Variants in VGLL4 observed in about 807,000 individuals in gnomAD.
VGLL4 encodes vestigial like family member 4.
VGLL4 carries 7 observed loss-of-function variants against 21.0 expected under a neutral mutation model. The ratio of observed to expected loss-of-function variants is 0.33; its 90% CI spans 0.19 to 0.63. The LOEUF (loss-of-function observed/expected upper bound fraction) is 0.63. VGLL4 is among the 20% of genes least tolerant of loss of function. The probability of loss-of-function intolerance (pLI) is 0.78; values close to 1 mark genes in which losing one functional copy is unlikely to be tolerated. For missense variants in VGLL4, 394 were observed against 425.7 expected (o/e 0.93, Z 0.66); for synonymous variants, 222 against 173.2 (o/e 1.28, Z -2.21).
At chr3:11,603,728 G>A (rs2074861970) in intron 1 of VGLL4, among the ~76,000 whole-genome samples, 1 of 152,120 alleles carries the variant, frequency 6.6e-6, no homozygotes, top group Admixed American at 6.5e-5. Flanking sequence ...GGATGCGAGG[G>A]GATGAGGAGT....
In VGLL4 at chr3:11,719,099, G is replaced by A. The variant is rs1012754232; in HGVS notation, c.-14+1295C>T. Among the ~76,000 whole-genome samples the A allele has an allele frequency of 1.3e-5, 2 of 152,150 alleles. No homozygotes were observed. The highest frequency in any genetic ancestry group is 2.1e-4 in the South Asian group (1 of 4,838). On this transcript the variant is annotated intron_variant, in intron 1 of 5. Transcript: ENST00000273038. The surrounding 1 kb of genome is among the most constrained non-coding windows in gnomAD (Gnocchi z 4.0). ...AGTGTGCAGTCCTGTTTTGGGGACC[G>A]GGCAGGAAGCACAGGAAGAGTACGG... is the stretch of plus-strand genomic sequence containing the variant.
At chr3:11,569,469 C>T (rs2073686020) in intron 2 of VGLL4, among the ~76,000 whole-genome samples, 2 of 152,242 alleles carry the variant, frequency 1.3e-5, no homozygotes, top group South Asian at 2.1e-4. Context: ...GGCAAAGCAG[C>T]CCGTCCCCAT....
intron 2 of VGLL4, among the ~76,000 whole-genome samples, chr3:11,569,146 T>C (rs899213658): frequency 3.9e-5 from 6 of 152,200 alleles, no homozygotes; most frequent in Non-Finnish European, 8.8e-5. Flanking sequence ...CTGCGTCTAT[T>C]TGATACTCAT....
intron 1 of VGLL4, among the ~76,000 whole-genome samples, chr3:11,715,108 C>G (rs2076901907): frequency 1.3e-5 from 2 of 148,220 alleles, no homozygotes; most frequent in South Asian, 4.3e-4. Flanking sequence ...GCACTCCAGC[C>G]TGGGTGACAG....
intron 2 of VGLL4, among the ~76,000 whole-genome samples, chr3:11,572,065 A>G (rs578018785): frequency 2.6e-5 from 4 of 152,114 alleles, no homozygotes; most frequent in Non-Finnish European, 5.9e-5. Flanking sequence ...TGAGATCTGC[A>G]CCACTGTATT....
intron 2 of VGLL4, among the ~76,000 whole-genome samples, chr3:11,571,829 G>A (rs562425852): frequency 1.8e-4 from 28 of 152,048 alleles, no homozygotes; most frequent in Non-Finnish European, 3.8e-4. Flanking sequence ...CCTATTGGCC[G>A]GGCACAGTGG....
intron 1 of VGLL4, among the ~76,000 whole-genome samples, chr3:11,717,533 GAGTC>G (rs1177194007): frequency 7.3e-6 from 1 of 137,304 alleles, no homozygotes. Flanking sequence ...TGGGAGCCGG[GAGTC>G]TCTCTGTTGT....
chr3:11,564,405 AC>A (rs3839099), intron 3 of VGLL4, among the ~76,000 whole-genome samples: 1,685 of 151,210 alleles, frequency 0.011, 30 homozygotes, highest in African/African-American at 0.038. Context: ...GAAACGTAGG[AC>A]CCCCCCACCC....
At chr3:11,583,306 T>C (rs944712947) in intron 2 of VGLL4, among the ~76,000 whole-genome samples, 2 of 152,124 alleles carry the variant, frequency 1.3e-5, no homozygotes, top group South Asian at 2.1e-4. Context: ...ATTATGAAAA[T>C]AGCATTTCTG....
At chr3:11,573,591 A>G (rs912209119) in intron 2 of VGLL4, among the ~76,000 whole-genome samples, 1 of 152,130 alleles carries the variant, frequency 6.6e-6, no homozygotes, top group African/African-American at 2.4e-5. Context: ...GCTGCTGTGT[A>G]TCCTCGGTGA....
intron 2 of VGLL4, among the ~76,000 whole-genome samples, chr3:11,701,397 G>A (rs533272648): frequency 3.9e-5 from 6 of 152,240 alleles, no homozygotes; most frequent in Admixed American, 2.6e-4. Context: ...CTACAGCACC[G>A]TGAGCCAATT....
intron 2 of VGLL4, among the ~76,000 whole-genome samples, chr3:11,660,141 G>A (rs1379196849): frequency 1.3e-5 from 2 of 149,400 alleles, no homozygotes; most frequent in African/African-American, 2.5e-5. Context: ...CAGCCTGGGC[G>A]ACAGAGCGAG....
intron 2 of VGLL4, among the ~76,000 whole-genome samples, chr3:11,591,420 G>A (rs1476302132): frequency 1.3e-5 from 2 of 152,120 alleles, no homozygotes; most frequent in Admixed American, 6.6e-5. Flanking sequence ...GTCCCCCCTT[G>A]GCATTTCTTC....
Position 11,577,515 on chromosome 3 carries a change from C to T in VGLL4, c.273-12496G>A, listed in dbSNP as rs536136575. On this transcript the variant is annotated intron_variant, in intron 2 of 4. Transcript: ENST00000430365. ...GGCTGAGGCAAGAGAATCGCTGGAACGTGGGAGGCAGAGGCTGCAGTGAGC... is the reference window on the plus strand; with the variant it reads ...GGCTGAGGCAAGAGAATCGCTGGAATGTGGGAGGCAGAGGCTGCAGTGAGC... Among the ~76,000 whole-genome samples, 4 of 152,204 alleles carry T rather than the reference C, an allele frequency of 2.6e-5. 1 individual carries two copies. Among genetic ancestry groups the T allele is most frequent in the African/African-American group, 7.2e-5 (3 of 41,516 alleles).
Position 11,653,381 on chromosome 3 carries a change from G to A in VGLL4, c.64+49590C>T, listed in dbSNP as rs933349551. Among the ~76,000 whole-genome samples, 4 of 152,166 alleles carry A rather than the reference G, an allele frequency of 2.6e-5. No individual in the cohort carries two copies. The highest frequency in any genetic ancestry group is 4.8e-5 in the African/African-American group (2 of 41,428). Reference sequence around the variant, plus strand: ...TATAACACTTTATAGAAAGAGAATCGTATGATGCTAGCTACTCTTGTGGCT... The same window carrying A: ...TATAACACTTTATAGAAAGAGAATCATATGATGCTAGCTACTCTTGTGGCT... On this transcript the variant is annotated intron_variant, in intron 2 of 5. Coordinates refer to the VGLL4 transcript ENST00000273038. This position sits in a 1 kb window ranked among gnomAD's most constrained non-coding sequence, Gnocchi z 4.2.
At chr3:11,655,519 C>G (rs1221691968) in intron 2 of VGLL4, among the ~76,000 whole-genome samples, 1 of 152,224 alleles carries the variant, frequency 6.6e-6, no homozygotes, top group African/African-American at 2.4e-5. Context: ...CCACCACCCC[C>G]ATTCTCAGCC....
chr3:11,560,869 G>A (rs1035349177), intron 3 of VGLL4, among the ~76,000 whole-genome samples: 1 of 152,220 alleles, frequency 6.6e-6, no homozygotes, highest in Non-Finnish European at 1.5e-5. Flanking sequence ...TTCTGCCTGT[G>A]GACAGGGCCT....
Position 11,653,931 on chromosome 3 carries a change from G to C in VGLL4, c.64+49040C>G, listed in dbSNP as rs2075917116. ...TTCACCCGAGACAACACAGAGGGAA[G>C]GGCCCCGGCCAGAGGCTCTCAACCA... On this transcript the variant is annotated intron_variant, in intron 2 of 5. Transcript: ENST00000273038. The surrounding 1 kb of genome is among the most constrained non-coding windows in gnomAD (Gnocchi z 4.2). 6.6e-6 allele frequency among the ~76,000 whole-genome samples: 1 copy of C among 152,176 alleles called. No individual in the cohort carries two copies. The highest frequency in any genetic ancestry group is 2.1e-4 in the South Asian group (1 of 4,816).
intron 2 of VGLL4, among the ~76,000 whole-genome samples, chr3:11,579,208 C>A (rs1218484039): frequency 5.2e-5 from 6 of 115,366 alleles, no homozygotes; most frequent in East Asian, 2.8e-4. Flanking sequence ...GTTGGCCAAG[C>A]TAACTTTCTA....
Sources: allele counts gnomAD v4.1 joint callset (sites outside exome capture counted in the v4.1 genomes callset), GRCh38; gene constraint gnomAD v4.1.1; non-coding constraint Gnocchi (gnomAD v3.1); transcripts MANE v1.5; gene names NCBI Gene and HGNC (gene_info 2026-07-23, HGNC 2026-07-21).